HTR3A: variants seen among roughly 807,000 people sequenced by gnomAD.
The protein encoded by HTR3A is 5-hydroxytryptamine receptor 3A.
HTR3A carries 45 observed loss-of-function variants against 54.8 expected under a neutral mutation model. The observed-to-expected ratio is 0.82, with a 90% CI of 0.65 to 1.05. The LOEUF (loss-of-function observed/expected upper bound fraction) is 1.05. HTR3A is among the 50% of genes least tolerant of loss of function. HTR3A has a pLI of 0.00. For synonymous variants in HTR3A, 297 were observed against 256.0 expected, an observed-to-expected ratio of 1.16 and a Z score of -1.53; for missense variants, 657 against 614.0, an observed-to-expected ratio of 1.07 and a Z score of -0.74.
chr11:113,987,481 C>T (rs975358913), intron 8 of HTR3A, among the ~76,000 whole-genome samples: 2 of 152,184 alleles, frequency 1.3e-5, no homozygotes, highest in Non-Finnish European at 2.9e-5. Context: ...GCCTACAATC[C>T]CAGCACTTTG....
At position 113,986,819 on chromosome 11, in the gene HTR3A, G is replaced by A; in HGVS notation, c.917-6G>A. ...GTGTCTCTTGCCTCTGCCCTGGGCT[G>A]CACAGGTGTCTACTTTGTGGTGTGC... On this transcript the variant is annotated splice_region_variant and splice_polypyrimidine_tract_variant and intron_variant, in intron 7 of 8. Transcript: ENST00000504030. 6.2e-7 allele frequency: 1 copy of A among 1,614,026 alleles called. No individual in the cohort carries two copies. Among genetic ancestry groups the A allele is most frequent in the Non-Finnish European group, 8.5e-7 (1 of 1,179,942 alleles).
chr11:113,977,535 CT>C, intron 1 of HTR3A: 1 of 1,551,070 alleles, frequency 6.4e-7, no homozygotes, highest in Non-Finnish European at 8.7e-7. Context: ...CAAGCCAGAT[CT>C]CTGCTTTCCT....
At chr11:113,977,635 T>A in intron 1 of HTR3A, 136 bp from the exon 2 acceptor site, 1 of 1,494,196 alleles carries the variant, frequency 6.7e-7, no homozygotes, top group South Asian at 1.2e-5. Flanking sequence ...GTGGTGAGAA[T>A]GTCAGTCTGT....
rs1235524607 is a variant in HTR3A, at chr11:113,986,986, C to T, written c.1078C>T (p.Gln360Ter). 8 of 1,614,044 alleles carry T rather than the reference C, an allele frequency of 5.0e-6. No homozygotes were observed. The highest frequency in any genetic ancestry group is 6.8e-6 in the Non-Finnish European group (8 of 1,180,024). The part of the protein sequence containing the change: ...RIAWLLCLRE[Q>*]STSQRPPATS... ...CGCCTGGCTACTTTGCCTGAGGGAGCAGTCAACTTCCCAGAGGCCCCCAGC... is the reference window on the plus strand; with the variant it reads ...CGCCTGGCTACTTTGCCTGAGGGAGTAGTCAACTTCCCAGAGGCCCCCAGC... Residue 360 changes from glutamine (Q) to a stop codon, truncating the protein, a stop_gained, in exon 8 of 9, where the codon CAG becomes TAG. Coordinates refer to ENST00000504030, the MANE Select transcript of HTR3A (RefSeq NM_000869.6). LOFTEE classifies it high-confidence loss of function.
rs199729859 is a variant in HTR3A at position 113,989,742 on chromosome 11, G to A, written c.1416G>A (p.Trp472Ter). ...ACAGCATCACCCTGGTTATGCTCTG[G>A]TCCATCTGGCAGTACGCTTGAGTGG... ...LAYSITLVML[W>*]SIWQYA The change falls in exon 9 of 9, where the codon TGG becomes TGA. Residue 472 changes from tryptophan (W) to a stop codon, truncating the protein, a stop_gained. Transcript: ENST00000504030. LOFTEE classifies it high-confidence loss of function. The surrounding 1 kb of genome is among the most constrained non-coding windows in gnomAD (Gnocchi z 4.4). 7.4e-6 allele frequency: 12 copies of A among 1,611,988 alleles called. No individual in the cohort carries two copies. The highest frequency in any genetic ancestry group is 9.3e-6 in the Non-Finnish European group (11 of 1,180,024).
chr11:113,988,512 C>T (rs1950518103), intron 8 of HTR3A, among the ~76,000 whole-genome samples: 1 of 152,218 alleles, frequency 6.6e-6, no homozygotes, highest in Admixed American at 6.5e-5. Flanking sequence ...CCTGTAATCC[C>T]AGCACTTTGG....
At chr11:113,981,109 G>T in intron 3 of HTR3A, 94 bp from the exon 4 acceptor site, 1 of 784,548 alleles carries the variant, frequency 1.3e-6, no homozygotes, top group Non-Finnish European at 2.3e-6. Flanking sequence ...CCCACCTGTT[G>T]CCTGGGCACT....
chr11:113,987,619 C>G (rs1950508179), intron 8 of HTR3A, among the ~76,000 whole-genome samples: 1 of 151,846 alleles, frequency 6.6e-6, no homozygotes, highest in Non-Finnish European at 1.5e-5. Flanking sequence ...TCCTGTGGTC[C>G]TAGCTACTTC....
At chr11:113,979,888 G>C (rs1413396848) in intron 3 of HTR3A, among the ~76,000 whole-genome samples, 4 of 152,288 alleles carry the variant, frequency 2.6e-5, no homozygotes, top group East Asian at 3.9e-4. Context: ...AACTAAAGTG[G>C]CTGAACACAC....
intron 3 of HTR3A, among the ~76,000 whole-genome samples, chr11:113,980,836 C>T (rs972494752): frequency 3.3e-5 from 5 of 152,208 alleles, no homozygotes; most frequent in East Asian, 3.8e-4. Flanking sequence ...TTAACAAGAG[C>T]GGTCTCCACC....
Position 113,989,746 on chromosome 11 carries a change from A to T in HTR3A, c.1420A>T (p.Ile474Phe). 6.2e-7 allele frequency: 1 copy of T among 1,611,726 alleles called. No homozygotes were observed. Among genetic ancestry groups the T allele is most frequent in the South Asian group, 1.1e-5 (1 of 91,080 alleles). ...YSITLVMLWS[I>F]WQYA ...CATCACCCTGGTTATGCTCTGGTCC[A>T]TCTGGCAGTACGCTTGAGTGGGTAC... The change falls in exon 9 of 9, where the codon ATC (isoleucine) becomes TTC (phenylalanine). Residue 474 changes from isoleucine (I) to phenylalanine (F), a missense_variant. Ile to Phe is a conservative substitution (Grantham distance 21, BLOSUM62 0). Coordinates refer to ENST00000504030, the MANE Select transcript of HTR3A (RefSeq NM_000869.6). The surrounding 1 kb of genome is among the most constrained non-coding windows in gnomAD (Gnocchi z 4.4).
chr11:113,986,513 C>T lies in HTR3A; in HGVS notation c.706-5C>T. The T allele has an allele frequency of 1.2e-6, 2 of 1,612,088 alleles. No individual in the cohort carries two copies. Among genetic ancestry groups the T allele is most frequent in the Non-Finnish European group, 1.7e-6 (2 of 1,180,004 alleles). On this transcript the variant is annotated splice_region_variant and splice_polypyrimidine_tract_variant and intron_variant, in intron 6 of 8. Coordinates refer to ENST00000504030, the MANE Select transcript of HTR3A (RefSeq NM_000869.6). Reference sequence around the variant, plus strand: ...GGCTTCCCACAAGCTCTTCTCCGGTCCCAGGTGGTCATCCGCCGGCGGCCC... The same window carrying T: ...GGCTTCCCACAAGCTCTTCTCCGGTTCCAGGTGGTCATCCGCCGGCGGCCC...
chr11:113,987,121 C>A, intron 8 of HTR3A, 75 bp downstream of exon 8: 1 of 1,490,330 alleles, frequency 6.7e-7, no homozygotes, highest in Non-Finnish European at 9.2e-7. Context: ...CTCTGGAGGG[C>A]GTGGCCTGCC....
intron 1 of HTR3A, among the ~76,000 whole-genome samples, chr11:113,976,543 A>T (rs1251998981): frequency 1.4e-5 from 2 of 148,096 alleles, no homozygotes; most frequent in African/African-American, 5.0e-5. Flanking sequence ...TATTGATGTT[A>T]TTCCAAAGGA....
At chr11:113,985,713 G>A (rs1474826799) in intron 5 of HTR3A, among the ~76,000 whole-genome samples, 1 of 151,776 alleles carries the variant, frequency 6.6e-6, no homozygotes, top group Non-Finnish European at 1.5e-5. Flanking sequence ...GTGTGTGTGT[G>A]TTTGTGTGTG....
intron 6 of HTR3A, 107 bp downstream of exon 6, chr11:113,986,282 T>C (rs1950490526): frequency 7.1e-7 from 1 of 1,412,940 alleles, no homozygotes; most frequent in Non-Finnish European, 1.0e-6. Context: ...AACCCCAGGG[T>C]TGCACACATC....
At chr11:113,982,443 G>A (rs1270627660) in intron 4 of HTR3A, among the ~76,000 whole-genome samples, 1 of 152,168 alleles carries the variant, frequency 6.6e-6, no homozygotes, top group East Asian at 1.9e-4. Context: ...AGTTTCAACA[G>A]TGAAGTGGCC....
Position 113,989,768 on chromosome 11 carries a change from G to GT in HTR3A, c.*6dup. 1 of 1,607,912 alleles carries GT rather than the reference G, an allele frequency of 6.2e-7. No homozygotes were observed. The highest frequency in any genetic ancestry group is 2.2e-5 in the East Asian group (1 of 44,878). Reference sequence around the variant, plus strand: ...TCCATCTGGCAGTACGCTTGAGTGGGTACAGCCCAGTGGAGGAGGGGGTAC... The same window carrying GT: ...TCCATCTGGCAGTACGCTTGAGTGGGTTACAGCCCAGTGGAGGAGGGGGTAC... On this transcript the variant is annotated 3_prime_UTR_variant, in exon 9 of 9. Transcript: ENST00000504030. The surrounding 1 kb of genome is among the most constrained non-coding windows in gnomAD (Gnocchi z 4.4).
intron 6 of HTR3A, among the ~76,000 whole-genome samples, 156 bp downstream of exon 6, chr11:113,986,331 G>A (rs746671133): frequency 3.3e-5 from 5 of 152,194 alleles, no homozygotes; most frequent in Non-Finnish European, 5.9e-5. Context: ...CTCCATGAAT[G>A]TCCCTTACTT....
Sources: allele counts gnomAD v4.1 joint callset (sites outside exome capture counted in the v4.1 genomes callset), GRCh38; gene constraint gnomAD v4.1.1; non-coding constraint Gnocchi (gnomAD v3.1); transcripts MANE v1.5; gene names NCBI Gene and HGNC (gene_info 2026-07-23, HGNC 2026-07-21).